ARID1B: variants seen among roughly 807,000 people sequenced by gnomAD.
ARID1B encodes AT-rich interaction domain 1B, also known as AT-rich interactive domain-containing protein 1B.
ARID1B carries 30 observed loss-of-function variants against 212.3 expected under a neutral mutation model. The observed-to-expected ratio is 0.14, with a 90% confidence interval of 0.11 to 0.19. ARID1B has a LOEUF of 0.19. ARID1B is among the 10% of genes least tolerant of loss of function. ARID1B has a pLI of 1.00. For missense variants in ARID1B, 2,891 were observed against 3,204.0 expected (o/e 0.90, Z 2.36); for synonymous variants, 1,402 against 1,301.7 (o/e 1.08, Z -1.66).
intron 2 of ARID1B, among the ~76,000 whole-genome samples, chr6:156,851,863 T>C (rs1301944854): frequency 2.6e-5 from 4 of 152,212 alleles, no homozygotes; most frequent in Non-Finnish European, 5.9e-5. Context: ...CTTTAGCAAA[T>C]TGACTGGCAG....
intron 4 of ARID1B, among the ~76,000 whole-genome samples, chr6:156,998,364 G>A (rs1006521139): frequency 2.0e-5 from 3 of 152,060 alleles, no homozygotes; most frequent in African/African-American, 7.2e-5. Context: ...GGGACTACAG[G>A]TGTGTGCCAC....
intron 5 of ARID1B, among the ~76,000 whole-genome samples, chr6:157,098,660 AC>A (rs1785830861): frequency 6.6e-6 from 1 of 152,202 alleles, no homozygotes. Context: ...TCATGTCTTC[AC>A]ATCTGAAGTT....
intron 1 of ARID1B, among the ~76,000 whole-genome samples, chr6:156,807,835 AT>A (rs1157239119): frequency 1.4e-5 from 2 of 145,096 alleles, no homozygotes; most frequent in Non-Finnish European, 2.9e-5. Flanking sequence ...ACACAATATC[AT>A]TTTTTTTGCT....
chr6:156,997,577 T>C (rs1223090982), intron 4 of ARID1B, among the ~76,000 whole-genome samples: 1 of 152,072 alleles, frequency 6.6e-6, no homozygotes, highest in African/African-American at 2.4e-5. Flanking sequence ...ATGTAAGAAG[T>C]AACAGATGTA....
intron 1 of ARID1B, among the ~76,000 whole-genome samples, chr6:156,820,092 G>A (rs1782248484): frequency 6.6e-6 from 1 of 152,184 alleles, no homozygotes; most frequent in African/African-American, 2.4e-5. Flanking sequence ...AGAGGAGCCT[G>A]TGGATGTCTG....
intron 4 of ARID1B, among the ~76,000 whole-genome samples, chr6:157,029,538 G>C (rs1318260726): frequency 6.6e-6 from 1 of 152,184 alleles, no homozygotes; most frequent in East Asian, 1.9e-4. Context: ...AAGGGAGAAA[G>C]GTGATACACA....
chr6:157,168,839 T>C (rs1791510804), intron 9 of ARID1B: 1 of 152,244 alleles, frequency 6.6e-6, no homozygotes, highest in Admixed American at 6.5e-5. Flanking sequence ...GGGGTGGTAG[T>C]GTATTTTTTT....
chr6:157,014,520 TGAGA>T (rs1779792788), intron 4 of ARID1B, among the ~76,000 whole-genome samples: 1 of 152,218 alleles, frequency 6.6e-6, no homozygotes, highest in South Asian at 2.1e-4. Context: ...TTGAAAGTGA[TGAGA>T]GAGACTCTGT....
At chr6:156,789,093 C>G (rs1384580668) in intron 1 of ARID1B, among the ~76,000 whole-genome samples, 1 of 152,184 alleles carries the variant, frequency 6.6e-6, no homozygotes, top group African/African-American at 2.4e-5. Flanking sequence ...CTGAAACTTT[C>G]CTAACGAATG....
intron 4 of ARID1B, among the ~76,000 whole-genome samples, chr6:157,066,212 A>G (rs929702414): frequency 3.9e-5 from 6 of 152,264 alleles, no homozygotes; most frequent in Non-Finnish European, 2.9e-5. Flanking sequence ...ACTGTTTCAT[A>G]TAGTAACTAA....
In ARID1B at chr6:157,198,695, A is replaced by T; in HGVS notation, c.4383-116A>T. The T allele has an allele frequency of 7.5e-6, 6 of 799,330 alleles. No homozygotes were observed. In the South Asian group the frequency reaches 1.2e-4, roughly 16 times the overall value. 49.5% of individuals were successfully genotyped at this position (799,330 alleles called of 1,614,324 possible). On this transcript the variant is annotated intron_variant, in intron 16 of 19. Transcript: ENST00000636930. ...GAGGGCCTTTGTCGGAGGGGTGCGCAGTAAAAGCCACACAGAGCTGCTTGA... is the reference window on the plus strand; with the variant it reads ...GAGGGCCTTTGTCGGAGGGGTGCGCTGTAAAAGCCACACAGAGCTGCTTGA...
intron 2 of ARID1B, among the ~76,000 whole-genome samples, chr6:156,867,488 G>A (rs564977114): frequency 6.6e-6 from 1 of 152,212 alleles, no homozygotes; most frequent in East Asian, 1.9e-4. Flanking sequence ...AGCTGACCTA[G>A]TGATTGTATT....
At chr6:157,006,479 A>G (rs920143386) in intron 4 of ARID1B, among the ~76,000 whole-genome samples, 2 of 152,220 alleles carry the variant, frequency 1.3e-5, no homozygotes, top group East Asian at 3.8e-4. Flanking sequence ...GTCATTAGAG[A>G]GCAGTACCAG....
At chr6:156,952,137 T>A (rs1054073760) in intron 4 of ARID1B, among the ~76,000 whole-genome samples, 2 of 152,214 alleles carry the variant, frequency 1.3e-5, no homozygotes, top group African/African-American at 4.8e-5. Flanking sequence ...TGTTTTTTTA[T>A]ACATGTGTTT....
intron 2 of ARID1B, among the ~76,000 whole-genome samples, chr6:156,889,539 T>C (rs1024546963): frequency 6.6e-6 from 1 of 152,220 alleles, no homozygotes; most frequent in Non-Finnish European, 1.5e-5. Context: ...AAATCTCCTC[T>C]AATTGGCTGA....
chr6:156,784,957 G>A (rs781155678), intron 1 of ARID1B, among the ~76,000 whole-genome samples: 4 of 151,954 alleles, frequency 2.6e-5, no homozygotes, highest in East Asian at 3.9e-4. Flanking sequence ...ATGGGGTTTC[G>A]CCATGTTGCC....
chr6:157,186,147 A>C, intron 13 of ARID1B: 1 of 237,976 alleles, frequency 4.2e-6, no homozygotes, highest in South Asian at 5.2e-5. Context: ...TTGTGTATGG[A>C]GAATAGCTCT....
Position 156,955,737 on chromosome 6 carries a change from C to T in ARID1B, c.2247+20161C>T, listed in dbSNP as rs1793917261. 6.6e-6 allele frequency among the ~76,000 whole-genome samples: 1 copy of T among 152,048 alleles called. No homozygotes were observed. The highest frequency in any genetic ancestry group is 1.5e-5 in the Non-Finnish European group (1 of 68,016). On this transcript the variant is annotated intron_variant, in intron 4 of 19. Transcript: ENST00000636930. This position sits in a 1 kb window ranked among gnomAD's most constrained non-coding sequence, Gnocchi z 4.2. ...AACCTATGCCCATCTCCAGAAGGGC[C>T]CTAGAAACAGAGCCTGGATGTCATG...
chr6:156,921,334 T>A (rs1281061017), intron 3 of ARID1B, among the ~76,000 whole-genome samples: 1 of 152,082 alleles, frequency 6.6e-6, no homozygotes, highest in Non-Finnish European at 1.5e-5. Flanking sequence ...ATGTAATTGA[T>A]GATAATTTCA....
Sources: allele counts gnomAD v4.1 joint callset (sites outside exome capture counted in the v4.1 genomes callset), GRCh38; gene constraint gnomAD v4.1.1; non-coding constraint Gnocchi (gnomAD v3.1); transcripts MANE v1.5; gene names NCBI Gene and HGNC (gene_info 2026-07-23, HGNC 2026-07-21).